The following TTYH2 variants were observed in gnomAD, a reference collection of about 807,000 sequenced individuals.
TTYH2 encodes the protein protein tweety homolog 2.
TTYH2 carries 49 observed loss-of-function variants against 68.3 expected under a neutral mutation model. The ratio of observed to expected loss-of-function variants is 0.72; its 90% confidence interval spans 0.57 to 0.91. The LOEUF is 0.91. Ranked by LOEUF, TTYH2 falls within the 40% of genes least tolerant of loss-of-function variation. The pLI, the probability that TTYH2 is intolerant of heterozygous loss-of-function variation, is 0.00. For synonymous variants in TTYH2, 272 were observed against 300.8 expected (o/e 0.90, Z 0.99); for missense variants, 631 against 700.4 (o/e 0.90, Z 1.12).
At chr17:74,219,053 A>G (rs2050249031) in intron 1 of TTYH2, among the ~76,000 whole-genome samples, 1 of 152,136 alleles carries the variant, frequency 6.6e-6, no homozygotes, top group Non-Finnish European at 1.5e-5. Context: ...CTTTTGTAGT[A>G]AAAGTACAAA....
chr17:74,216,876 A>G (rs1251134260), intron 1 of TTYH2, among the ~76,000 whole-genome samples: 1 of 152,226 alleles, frequency 6.6e-6, no homozygotes, highest in Admixed American at 6.5e-5. Context: ...TACTCTAAAG[A>G]GATGATAAAA....
At chr17:74,226,479 T>C (rs2050331395) in intron 2 of TTYH2, among the ~76,000 whole-genome samples, 1 of 151,900 alleles carries the variant, frequency 6.6e-6, no homozygotes, top group Non-Finnish European at 1.5e-5. Context: ...TTGGGTTAAG[T>C]GGGAGGTCAT....
rs59096145 is a variant in TTYH2 at position 74,241,296 on chromosome 17, T to TGTGTGC, written c.636-2077_636-2076insTGTGCG. 1.4e-5 allele frequency among the ~76,000 whole-genome samples: 2 copies of TGTGTGC among 146,254 alleles called. No homozygotes were observed. The highest frequency in any genetic ancestry group is 3.0e-5 in the Non-Finnish European group (2 of 65,796). On this transcript the variant is annotated intron_variant, in intron 4 of 13. Coordinates refer to ENST00000269346, the MANE Select transcript of TTYH2 (RefSeq NM_032646.6). This position sits in a 1 kb window ranked among gnomAD's most constrained non-coding sequence, Gnocchi z 4.1. ...GTGTGTGTGTGTGTGTGTGTGTGTG[T>TGTGTGC]GCGTGTAAAAATAAGAATGTGATCC... is the stretch of plus-strand genomic sequence containing the variant.
In TTYH2 at chr17:74,222,936, C is replaced by T. The variant is rs1397373235; in HGVS notation, c.302+279C>T. ...AGCTGTGCAGGCAGCATTTCTGCAC[C>T]GACACTGGGCATCTCCAGTCTCTGT... On this transcript the variant is annotated intron_variant, in intron 2 of 13. Transcript: ENST00000269346. This position sits in a 1 kb window ranked among gnomAD's most constrained non-coding sequence, Gnocchi z 5.2. 4.6e-5 allele frequency among the ~76,000 whole-genome samples: 7 copies of T among 152,198 alleles called. No individual in the cohort carries two copies. Among genetic ancestry groups the T allele is most frequent in the African/African-American group, 9.6e-5 (4 of 41,526 alleles).
chr17:74,221,057 G>A (rs1034799124), intron 1 of TTYH2, among the ~76,000 whole-genome samples: 1 of 152,176 alleles, frequency 6.6e-6, no homozygotes, highest in South Asian at 2.1e-4. Flanking sequence ...GCCTCCCAAA[G>A]TGCTGGGATA....
intron 3 of TTYH2, among the ~76,000 whole-genome samples, chr17:74,236,493 G>C (rs1409811023): frequency 1.3e-5 from 2 of 152,220 alleles, no homozygotes; most frequent in Non-Finnish European, 2.9e-5. Flanking sequence ...TTCTCCATCT[G>C]GGTGTCTCTG....
chr17:74,242,991 A>G (rs1439123596), intron 4 of TTYH2, among the ~76,000 whole-genome samples: 2 of 151,514 alleles, frequency 1.3e-5, no homozygotes, highest in African/African-American at 4.9e-5. Flanking sequence ...AATTAAGTAA[A>G]GTTTAAAATG....
At chr17:74,240,568 A>G (rs1178452334) in intron 4 of TTYH2, among the ~76,000 whole-genome samples, 2 of 152,128 alleles carry the variant, frequency 1.3e-5, no homozygotes, top group Admixed American at 6.5e-5. Context: ...GCTGCTCTGC[A>G]AAAAAAGCCC....
At chr17:74,253,860 T>C (rs1392411836) in intron 13 of TTYH2, 27 bp downstream of exon 13, 1 of 1,611,990 alleles carries the variant, frequency 6.2e-7, no homozygotes, top group Admixed American at 1.7e-5. Flanking sequence ...CCCTTCCTTG[T>C]TGGGGTAATA....
intron 10 of TTYH2, among the ~76,000 whole-genome samples, chr17:74,251,318 A>C (rs908737574): frequency 7.4e-6 from 1 of 134,402 alleles, no homozygotes; most frequent in African/African-American, 2.9e-5. Flanking sequence ...TGTTGTGTGC[A>C]CATGTGTGCA....
rs139127494 is a variant in TTYH2 at position 74,255,726 on chromosome 17, C to T, written c.1524+1893C>T. Among the ~76,000 whole-genome samples the T allele has an allele frequency of 2.0e-3, 305 of 152,188 alleles. 3 individuals are homozygous for T. Among genetic ancestry groups the T allele is most frequent in the African/African-American group, 7.0e-3 (291 of 41,534 alleles). On this transcript the variant is annotated intron_variant, in intron 13 of 13. Coordinates refer to ENST00000269346, the MANE Select transcript of TTYH2 (RefSeq NM_032646.6). The stretch of plus-strand genomic sequence containing the variant: ...TGCTGGGATTACAGGCATGAGCCAC[C>T]GTGCCCGGCCAGAGCTGTGGCATTT...
intron 10 of TTYH2, chr17:74,251,946 G>A (rs759798770): frequency 2.6e-5 from 10 of 381,096 alleles, no homozygotes; most frequent in African/African-American, 4.2e-5. Context: ...CAGTGCCCCC[G>A]TCTCTGGTTC....
Position 74,230,971 on chromosome 17 carries a change from A to G in TTYH2, c.386A>G (p.Asn129Ser), listed in dbSNP as rs139860870. 235 of 1,614,010 alleles carry G rather than the reference A, an allele frequency of 1.5e-4. 1 individual carries two copies. The highest frequency in any genetic ancestry group is 1.8e-4 in the Non-Finnish European group (218 of 1,180,010). ...YQLMYSLDDA[N>S]HTFSGIDALV... ...CTGATGTACTCCTTGGACGATGCCA[A>G]CCACACCTTCTCTGGGATCGATGCT... The change falls in exon 3 of 14, where the codon AAC (asparagine) becomes AGC (serine). Residue 129 changes from asparagine (N) to serine (S), a missense_variant. Coordinates refer to ENST00000269346, the MANE Select transcript of TTYH2 (RefSeq NM_032646.6).
At chr17:74,259,291 C>A (rs894237302) in intron 13 of TTYH2, among the ~76,000 whole-genome samples, 1 of 152,102 alleles carries the variant, frequency 6.6e-6, no homozygotes, top group Admixed American at 6.6e-5. Flanking sequence ...CTTGCTGCAA[C>A]CTCCACCTCT....
chr17:74,224,700 T>C (rs2050312237), intron 2 of TTYH2, among the ~76,000 whole-genome samples: 1 of 152,088 alleles, frequency 6.6e-6, no homozygotes, highest in Admixed American at 6.5e-5. Context: ...CTTTGAATCA[T>C]TGCAACTAAA....
rs185682864 is a variant in TTYH2 at position 74,227,246 on chromosome 17, A to G, written c.303-3642A>G. On this transcript the variant is annotated intron_variant, in intron 2 of 13. Transcript: ENST00000269346. The stretch of plus-strand genomic sequence containing the variant: ...TGCCTCAGCCTCCCAAAGTGCTGGG[A>G]TTACAGGCTTGAGCCCCAAGGCGAT... Among the ~76,000 whole-genome samples the G allele has an allele frequency of 2.9e-3, 439 of 152,296 alleles. 1 individual carries two copies. Among genetic ancestry groups the G allele is most frequent in the Admixed American group, 6.2e-3 (95 of 15,296 alleles).
intron 3 of TTYH2, among the ~76,000 whole-genome samples, chr17:74,235,324 G>A (rs2050431759): frequency 6.6e-6 from 1 of 152,166 alleles, no homozygotes; most frequent in Non-Finnish European, 1.5e-5. Context: ...TTATCTCCCA[G>A]ACCCGTGGGA....
At chr17:74,252,626 C>T (rs2050645389) in intron 11 of TTYH2, among the ~76,000 whole-genome samples, 1 of 152,226 alleles carries the variant, frequency 6.6e-6, no homozygotes, top group African/African-American at 2.4e-5. Context: ...AGCCCTCAGG[C>T]CACAGTCTGG....
intron 6 of TTYH2, among the ~76,000 whole-genome samples, chr17:74,247,765 A>G (rs2050574261): frequency 1.3e-5 from 2 of 152,152 alleles, no homozygotes; most frequent in Non-Finnish European, 2.9e-5. Context: ...GATAGGTAAT[A>G]ATAGGCCAGG....
Sources: allele counts gnomAD v4.1 joint callset (sites outside exome capture counted in the v4.1 genomes callset), GRCh38; gene constraint gnomAD v4.1.1; non-coding constraint Gnocchi (gnomAD v3.1); transcripts MANE v1.5; gene names NCBI Gene and HGNC (gene_info 2026-07-23, HGNC 2026-07-21).